GPI: variants seen among roughly 807,000 people sequenced by gnomAD.
The protein encoded by GPI is D-hexose-6-phosphate anomerase.
In GPI, 56 loss-of-function variants were observed where a neutral mutation model predicts 75.8. That is an observed-to-expected ratio of 0.74 (90% CI 0.60 to 0.92). GPI has a LOEUF of 0.92. GPI is among the 40% of genes least tolerant of loss of function. The probability of loss-of-function intolerance (pLI) is 0.00; values close to 1 mark genes in which losing one functional copy is unlikely to be tolerated. For synonymous variants in GPI, 288 were observed against 285.4 expected, an observed-to-expected ratio of 1.01 and a Z score of -0.09; for missense variants, 638 against 741.0, an observed-to-expected ratio of 0.86 and a Z score of 1.61.
chr19:34,399,777 C>T lies in GPI; in HGVS notation c.1533C>T (p.Asp511=), dbSNP rs755983701. 9.3e-6 allele frequency: 15 copies of T among 1,613,970 alleles called. No homozygotes were observed. The highest frequency in any genetic ancestry group is 1.3e-5 in the African/African-American group (1 of 74,982). ...TCATCTGGGACATCAACAGCTTTGA[C>T]CAGTGGGGGTGAGTTGCTCACTTAG... ...QGIIWDINSF[D]QWGVELGKQL... The change falls in exon 17 of 18, where the codon GAC becomes GAT. Residue 511 remains aspartate, a synonymous_variant. Transcript: ENST00000356487.
intron 9 of GPI, among the ~76,000 whole-genome samples, chr19:34,385,201 T>C (rs1314021933): frequency 6.6e-6 from 1 of 151,302 alleles, no homozygotes; most frequent in Non-Finnish European, 1.5e-5. Context: ...ATACAAAAAT[T>C]AGCTGGGTGT....
chr19:34,367,121 C>T, intron 3 of GPI: 1 of 601,828 alleles, frequency 1.7e-6, no homozygotes, highest in Non-Finnish European at 3.0e-6. Flanking sequence ...TCAAGGCTGA[C>T]ATTTTCTTGG....
At chr19:34,389,117 C>T (rs2074783936) in intron 9 of GPI, among the ~76,000 whole-genome samples, 1 of 152,004 alleles carries the variant, frequency 6.6e-6, no homozygotes, top group South Asian at 2.1e-4. Context: ...AAAAATAGAA[C>T]TGCATCTGTT....
At chr19:34,365,944 G>GCT in intron 1 of GPI, 1 of 495,492 alleles carries the variant, frequency 2.0e-6, no homozygotes, top group Non-Finnish European at 3.9e-6. Flanking sequence ...GGCCAAGGGA[G>GCT]CTCTGATCAC....
At chr19:34,365,484 AC>A in intron 1 of GPI, 96 bp downstream of exon 1, 1 of 1,496,694 alleles carries the variant, frequency 6.7e-7, no homozygotes. Flanking sequence ...GTGCCCGGGG[AC>A]CCCAGTCCCC....
chr19:34,392,723 G>T (rs1180234346), intron 9 of GPI: 3 of 125,924 alleles, frequency 2.4e-5, no homozygotes, highest in African/African-American at 1.0e-4. Context: ...GAGGCCTTGG[G>T]TCTGCCAGTG....
At chr19:34,369,005 C>T (rs1166403442) in intron 4 of GPI, among the ~76,000 whole-genome samples, 1 of 151,974 alleles carries the variant, frequency 6.6e-6, no homozygotes, top group East Asian at 1.9e-4. Context: ...AAAAGTGGGG[C>T]CCCTGAGAGA....
chr19:34,396,670 A>T lies in GPI; in HGVS notation c.1269+13A>T. The T allele has an allele frequency of 6.2e-7, 1 of 1,608,692 alleles. No individual in the cohort carries two copies. Among genetic ancestry groups the T allele is most frequent in the East Asian group, 2.2e-5 (1 of 44,804 alleles). ...TCTGCATCACAAGGTAAGAGCCCCC[A>T]TCTGGCCCCATCTGGGGGGTCTGGC... On this transcript the variant is annotated intron_variant, in intron 14 of 17. Coordinates refer to ENST00000356487, the MANE Select transcript of GPI (RefSeq NM_000175.5).
At chr19:34,370,899 C>CA (rs2074442443) in intron 4 of GPI, among the ~76,000 whole-genome samples, 1 of 152,208 alleles carries the variant, frequency 6.6e-6, no homozygotes, top group Non-Finnish European at 1.5e-5. Context: ...GCTCAGGTGA[C>CA]AGAGTGAGAC....
At chr19:34,378,906 C>T (rs751367833) in intron 6 of GPI, 28 bp from the exon 7 acceptor site, 59 of 1,590,508 alleles carry the variant, frequency 3.7e-5, no homozygotes, top group East Asian at 1.1e-4. Flanking sequence ...TAAGCTCGGG[C>T]GCCCACTGCT....
rs370893425 is a variant in GPI at position 34,399,999 on chromosome 19, A to C, written c.1640A>C (p.Asn547Thr). ...SHDASTNGLI[N>T]FIKQQREARV... ...GACGCTTCTACCAATGGGCTCATCA[A>C]CTTCATCAAGCAGCAGCGCGAGGCC... Residue 547 changes from asparagine to threonine, a missense_variant, in exon 18 of 18, where the codon AAC (asparagine) becomes ACC (threonine). By Grantham distance (65) the Asn-to-Thr change is moderately conservative (BLOSUM62 0). Coordinates refer to ENST00000356487, the MANE Select transcript of GPI (RefSeq NM_000175.5). 1 of 1,613,678 alleles carries C rather than the reference A, an allele frequency of 6.2e-7. No individual in the cohort carries two copies. Among genetic ancestry groups the C allele is most frequent in the Non-Finnish European group, 8.5e-7 (1 of 1,180,000 alleles).
chr19:34,371,831 G>A (rs111556858), intron 4 of GPI, among the ~76,000 whole-genome samples: 2 of 151,246 alleles, frequency 1.3e-5, no homozygotes, highest in African/African-American at 4.9e-5. Flanking sequence ...CTCCAGCTTG[G>A]GCAACAGAGT....
chr19:34,363,172 G>A (rs2074310344), upstream of GPI: 1 of 152,258 alleles, frequency 6.6e-6, no homozygotes, highest in African/African-American at 2.4e-5. Flanking sequence ...TGGGCATGGT[G>A]GTGCACACCT....
chr19:34,367,105 A>T, intron 3 of GPI: 1 of 635,984 alleles, frequency 1.6e-6, no homozygotes, highest in South Asian at 1.6e-5. Flanking sequence ...CCACAGGGAG[A>T]GTTTCTCAAG....
At position 34,366,358 on chromosome 19, in the gene GPI, A is replaced by G. The variant is rs748875055; in HGVS notation, c.136A>G (p.Thr46Ala). 3.1e-6 allele frequency: 5 copies of G among 1,611,742 alleles called. No homozygotes were observed. Among genetic ancestry groups the G allele is most frequent in the Non-Finnish European group, 4.2e-6 (5 of 1,177,836 alleles). The change falls in exon 2 of 18, where the codon ACC becomes GCC. Residue 46 changes from threonine (T) to alanine (A), a missense_variant. Physicochemically the swap from Thr to Ala is moderately conservative, Grantham distance 58. Transcript: ENST00000356487. ...ATCTTTCTGCAGCTTGACCCTCAAC[A>G]CCAACCATGGGCATATCCTGGTGGA... is the stretch of plus-strand genomic sequence containing the variant. ...RFNHFSLTLN[T>A]NHGHILVDYS...
chr19:34,364,526 C>A (rs1400346756), upstream of GPI, among the ~76,000 whole-genome samples: 1 of 151,918 alleles, frequency 6.6e-6, no homozygotes, highest in Non-Finnish European at 1.5e-5. Flanking sequence ...CACGTGTCAC[C>A]AGGCCCGGCT....
In GPI at chr19:34,393,152, G is replaced by C; in HGVS notation, c.805-96G>C. On this transcript the variant is annotated intron_variant, in intron 9 of 17. Transcript: ENST00000356487. This position sits in a 1 kb window ranked among gnomAD's most constrained non-coding sequence, Gnocchi z 4.4. ...GGTGGGTTGGGCCAGGGCCCTCCGA[G>C]ACGCCCCTGTGCAAGACCAGGGACA... is the stretch of plus-strand genomic sequence containing the variant. The C allele has an allele frequency of 1.0e-6, 1 of 993,128 alleles. No individual in the cohort carries two copies. The highest frequency in any genetic ancestry group is 1.6e-6 in the Non-Finnish European group (1 of 618,642). 61.5% of individuals were successfully genotyped at this position (993,128 alleles called of 1,614,324 possible). A position where few individuals can be genotyped will look rare whatever the true frequency, so the allele number is the denominator to read the frequency against.
intron 1 of GPI, chr19:34,365,962 G>A (rs1382965616): frequency 3.9e-6 from 2 of 508,380 alleles, no homozygotes; most frequent in Non-Finnish European, 7.6e-6. Context: ...CACTGATACT[G>A]GTGGAGGCGG....
upstream of GPI, among the ~76,000 whole-genome samples, chr19:34,361,029 C>T (rs145722372): frequency 0.015 from 2,274 of 152,210 alleles, 24 homozygotes; most frequent in South Asian, 0.023. Flanking sequence ...CCACCTGCCT[C>T]GGCCTCCCAA....
Sources: gnomAD v4.1 joint callset for allele counts (sites outside exome capture counted in the v4.1 genomes callset) on GRCh38, gnomAD v4.1.1 for gene constraint, Gnocchi (gnomAD v3.1) non-coding constraint, MANE v1.5 for transcripts, NCBI Gene and HGNC (gene_info 2026-07-23, HGNC 2026-07-21) for gene names.